PDXDC1: variants seen among roughly 807,000 people sequenced by gnomAD.
PDXDC1 encodes the protein pyridoxal-dependent decarboxylase domain-containing protein 1.
PDXDC1 carries 42 observed loss-of-function variants against 100.1 expected under a neutral mutation model. The observed-to-expected ratio is 0.42, with a 90% CI of 0.33 to 0.54. The LOEUF (loss-of-function observed/expected upper bound fraction) is 0.54, where lower values mean the gene tolerates loss of function less well. Among genes scored for constraint, PDXDC1 ranks in the 20% least tolerant of loss-of-function variants. The probability of loss-of-function intolerance (pLI) is 0.10; values close to 1 mark genes in which losing one functional copy is unlikely to be tolerated. For synonymous variants in PDXDC1, 260 were observed against 371.7 expected, an observed-to-expected ratio of 0.70 and a Z score of 3.46; for missense variants, 636 against 979.2, an observed-to-expected ratio of 0.65 and a Z score of 4.68.
chr16:15,103,032 CAGG>C, intron 16 of PDXDC1: 1 of 345,898 alleles, frequency 2.9e-6, no homozygotes. Flanking sequence ...CGCTTGAGCC[CAGG>C]AGTTCAAGGC....
chr16:15,110,015 G>T (rs1347952716), intron 16 of PDXDC1, among the ~76,000 whole-genome samples: 1 of 147,552 alleles, frequency 6.8e-6, no homozygotes, highest in Non-Finnish European at 1.5e-5. Flanking sequence ...TTAGCTGGGC[G>T]TGGTGGTGGG....
chr16:15,068,737 A>C (rs1295269569), intron 16 of PDXDC1, among the ~76,000 whole-genome samples: 1 of 152,206 alleles, frequency 6.6e-6, no homozygotes, highest in Non-Finnish European at 1.5e-5. Context: ...TTTTTTTTCT[A>C]AACAAGAAAA....
At chr16:15,042,878 G>A (rs187637887), downstream of PDXDC1, among the ~76,000 whole-genome samples, 367 of 146,734 alleles carry the variant, frequency 2.5e-3, no homozygotes, top group Admixed American at 6.1e-3. Context: ...GATTACAGGC[G>A]TGCGCCACCA....
the PDXDC1 span, among the ~76,000 whole-genome samples, chr16:15,148,275 C>A: frequency 2.6e-5 from 4 of 151,140 alleles, no homozygotes; most frequent in Admixed American, 6.6e-5. Flanking sequence ...GTTTTGATTT[C>A]CGTTTCCCTC....
At chr16:15,136,424 G>A (rs2151929219) in intron 16 of PDXDC1, 4 of 601,184 alleles carry the variant, frequency 6.7e-6, no homozygotes, top group East Asian at 2.8e-5. Context: ...TGACAGGAAC[G>A]GCCCCACCGG....
At chr16:15,068,296 A>G (rs1386777608) in intron 16 of PDXDC1, 2 of 1,567,488 alleles carry the variant, frequency 1.3e-6, no homozygotes, top group African/African-American at 1.4e-5. Context: ...TAAAAAAAAA[A>G]AAGATTTTTT....
intron 16 of PDXDC1, chr16:15,047,834 C>T (rs1227334286): frequency 6.3e-7 from 1 of 1,596,032 alleles, no homozygotes; most frequent in East Asian, 2.2e-5. Context: ...GTAATGGTTT[C>T]CTTCACCTCT....
At chr16:15,046,248 C>T (rs954488266) in intron 16 of PDXDC1, among the ~76,000 whole-genome samples, 4 of 152,248 alleles carry the variant, frequency 2.6e-5, no homozygotes, top group Admixed American at 6.5e-5. Context: ...AAATCTCTCC[C>T]AGAGAACTCT....
rs752489755 is a variant in PDXDC1 at position 15,129,650 on chromosome 16, G to A, written c.1400-9229G>A. Among the ~76,000 whole-genome samples, 11 of 152,232 alleles carry A rather than the reference G, an allele frequency of 7.2e-5. 1 individual carries two copies. The highest frequency in any genetic ancestry group is 1.5e-5 in the Non-Finnish European group (1 of 68,038). ...GTGGGGCCACGCTACTGTGCAGAATGTGGGCTGCCCACCCTGACTGACTGG... is the reference window on the plus strand; with the variant it reads ...GTGGGGCCACGCTACTGTGCAGAATATGGGCTGCCCACCCTGACTGACTGG... On this transcript the variant is annotated intron_variant, in intron 16 of 16. Transcript: ENST00000535621.
In PDXDC1 at chr16:15,036,473, C is replaced by G; in HGVS notation, c.*198C>G. ...TGTCTAACTTCATGTACATGTAGAA[C>G]CACGTTTGCTGTCCTACTACGACTT... On this transcript the variant is annotated 3_prime_UTR_variant, in exon 23 of 23. Transcript: ENST00000396410. The G allele has an allele frequency of 2.0e-6, 1 of 490,338 alleles. No homozygotes were observed. The highest frequency in any genetic ancestry group is 3.5e-6 in the Non-Finnish European group (1 of 282,014). 30.4% of individuals were successfully genotyped at this position (490,338 alleles called of 1,614,324 possible). A position where few individuals can be genotyped will look rare whatever the true frequency, so the allele number is the denominator to read the frequency against.
downstream of PDXDC1, chr16:15,040,983 G>T: frequency 2.2e-6 from 2 of 908,806 alleles, no homozygotes; most frequent in Non-Finnish European, 3.7e-6. Flanking sequence ...CATCCTGACA[G>T]CAGTGGGGTC....
chr16:15,129,327 A>C (rs2047928734), intron 16 of PDXDC1, among the ~76,000 whole-genome samples: 1 of 151,404 alleles, frequency 6.6e-6, no homozygotes, highest in African/African-American at 2.4e-5. Context: ...ACTCCCAGCT[A>C]CTCAGGAGAA....
chr16:15,066,844 T>G (rs1465862579), intron 16 of PDXDC1, among the ~76,000 whole-genome samples: 1 of 151,866 alleles, frequency 6.6e-6, no homozygotes, highest in Non-Finnish European at 1.5e-5. Context: ...GCAGAGACTT[T>G]TATTTCAATC....
At chr16:15,069,672 T>G (rs370901399) in intron 16 of PDXDC1, among the ~76,000 whole-genome samples, 16 of 152,192 alleles carry the variant, frequency 1.1e-4, no homozygotes, top group Non-Finnish European at 1.8e-4. Flanking sequence ...TGTGCTTTAG[T>G]GCTGTCTGTA....
At chr16:15,146,563 T>C in the PDXDC1 span, among the ~76,000 whole-genome samples, 1 of 152,046 alleles carries the variant, frequency 6.6e-6, no homozygotes, top group Admixed American at 6.6e-5. Flanking sequence ...GGCCGGGTCT[T>C]GTGAGCCCCT....
At position 15,036,376 on chromosome 16, in the gene PDXDC1, T is replaced by G. The variant is rs1221332025; in HGVS notation, c.*101T>G. ...GCCACATACTAATATAAATTACTGT[T>G]GTTTGTGCTTCACTGGGATTTTGGC... On this transcript the variant is annotated 3_prime_UTR_variant, in exon 23 of 23. Coordinates refer to ENST00000396410, the MANE Select transcript of PDXDC1 (RefSeq NM_015027.4). 5.9e-6 allele frequency: 7 copies of G among 1,184,176 alleles called. No individual in the cohort carries two copies. The highest frequency in any genetic ancestry group is 8.4e-6 in the Non-Finnish European group (7 of 833,994). 73.4% of individuals were successfully genotyped at this position (1,184,176 alleles called of 1,614,324 possible). A position where few individuals can be genotyped will look rare whatever the true frequency, so the allele number is the denominator to read the frequency against.
intron 16 of PDXDC1, among the ~76,000 whole-genome samples, chr16:15,069,841 C>G (rs1377190130): frequency 6.6e-6 from 1 of 152,214 alleles, no homozygotes; most frequent in Admixed American, 6.5e-5. Flanking sequence ...AAACCTCTTT[C>G]TTAACCTCAA....
intron 11 of PDXDC1, among the ~76,000 whole-genome samples, chr16:15,017,833 C>T (rs968892000): frequency 1.3e-5 from 2 of 152,022 alleles, no homozygotes; most frequent in East Asian, 1.9e-4. Context: ...GCTCTGTCAC[C>T]CAGGCTGGAG....
intron 16 of PDXDC1, chr16:15,083,585 AT>A (rs762595397): frequency 6.3e-7 from 1 of 1,598,180 alleles, no homozygotes; most frequent in South Asian, 1.1e-5. Context: ...ACGGTGTCCT[AT>A]TTTTAAAAAA....
Sources: gnomAD v4.1 joint callset for allele counts (sites outside exome capture counted in the v4.1 genomes callset) on GRCh38, gnomAD v4.1.1 for gene constraint, MANE v1.5 for transcripts, NCBI Gene and HGNC (gene_info 2026-07-23, HGNC 2026-07-21) for gene names.